Variants in NCAM2 observed in about 807,000 individuals in gnomAD.
NCAM2 encodes neural cell adhesion molecule 2.
A neutral mutation model predicts 98.1 loss-of-function variants in NCAM2; 30 were observed. The ratio of observed to expected loss-of-function variants is 0.31; its 90% CI spans 0.23 to 0.41. The LOEUF is 0.41. Ranked by LOEUF, NCAM2 falls within the 10% of genes least tolerant of loss-of-function variation. The pLI, the probability that NCAM2 is intolerant of heterozygous loss-of-function variation, is 1.00. For synonymous variants in NCAM2, 368 were observed against 342.4 expected, an observed-to-expected ratio of 1.07 and a Z score of -0.83; for missense variants, 867 against 1,005.8, an observed-to-expected ratio of 0.86 and a Z score of 1.87.
chr21:21,321,937 A>G lies in NCAM2; in HGVS notation c.620-2446A>G, dbSNP rs73230487. 7.4e-3 allele frequency among the ~76,000 whole-genome samples: 1,127 copies of G among 152,338 alleles called. 9 individuals carry two copies. The highest frequency in any genetic ancestry group is 0.04 in the South Asian group (194 of 4,824). ...TGCAAAGAACTTAAGCAGAACTGCC[A>G]TTTGAGCCAGCAAACCCATTACTGG... On this transcript the variant is annotated intron_variant, in intron 5 of 17. Transcript: ENST00000400546.
chr21:21,513,265 G>A (rs1988506930), intron 16 of NCAM2, among the ~76,000 whole-genome samples: 1 of 151,956 alleles, frequency 6.6e-6, no homozygotes, highest in African/African-American at 2.4e-5. Context: ...GGCTCTTCCA[G>A]TTCTTTAAGA....
chr21:21,221,613 A>ATT (rs1234997549), intron 1 of NCAM2, among the ~76,000 whole-genome samples: 11 of 152,314 alleles, frequency 7.2e-5, no homozygotes, highest in African/African-American at 2.6e-4. Flanking sequence ...CCGGAGCAAT[A>ATT]CCCTAGTATT....
chr21:21,269,018 C>T (rs2826758), intron 1 of NCAM2, among the ~76,000 whole-genome samples: 25,595 of 152,058 alleles, frequency 0.17, 2,254 homozygotes, highest in Non-Finnish European at 0.2. Flanking sequence ...AGGCTAGAAT[C>T]ATCCAAGATT....
chr21:21,295,915 C>A (rs1451885266), intron 5 of NCAM2, among the ~76,000 whole-genome samples: 1 of 151,642 alleles, frequency 6.6e-6, no homozygotes, highest in Non-Finnish European at 1.5e-5. Context: ...AAATTACTTA[C>A]CTTGGTGTCC....
chr21:21,106,273 A>C (rs1269391267), intron 1 of NCAM2, among the ~76,000 whole-genome samples: 2 of 148,068 alleles, frequency 1.4e-5, no homozygotes, highest in Non-Finnish European at 3.0e-5. Context: ...GCACCTCTGC[A>C]CTCCAGCCTG....
At chr21:21,392,866 A>T (rs2145834679) in intron 9 of NCAM2, among the ~76,000 whole-genome samples, 1 of 152,266 alleles carries the variant, frequency 6.6e-6, no homozygotes, top group South Asian at 2.1e-4. Context: ...TCAAATGCAT[A>T]GTTTGCAAAC....
intron 16 of NCAM2, among the ~76,000 whole-genome samples, chr21:21,523,479 A>T (rs1050321066): frequency 1.3e-5 from 2 of 151,690 alleles, no homozygotes; most frequent in Non-Finnish European, 2.9e-5. Context: ...GTTTAAAGAA[A>T]GGAAATGCAT....
At chr21:21,397,642 G>C (rs2076539893) in intron 9 of NCAM2, among the ~76,000 whole-genome samples, 1 of 152,202 alleles carries the variant, frequency 6.6e-6, no homozygotes, top group Non-Finnish European at 1.5e-5. Flanking sequence ...TTGGGGGAAG[G>C]GGGAGTTCCT....
In NCAM2 at chr21:21,331,464, T is replaced by C. The variant is rs1326827449; in HGVS notation, c.738-4041T>C. The stretch of plus-strand genomic sequence containing the variant: ...TTTTTCTCCTTCCTCTGGGTTGTAT[T>C]TTCATGTTTATTTACTATCCTGGTT... On this transcript the variant is annotated intron_variant, in intron 6 of 17. Coordinates refer to ENST00000400546, the MANE Select transcript of NCAM2 (RefSeq NM_004540.5). Among the ~76,000 whole-genome samples the C allele has an allele frequency of 3.5e-5, 4 of 113,420 alleles. No homozygotes were observed. The East Asian group carries it at 8.8e-4, about 25-fold the overall frequency. The allele number at this position is 113,420 out of a possible 152,430, so 74.4% of individuals were successfully genotyped here. A position where few individuals can be genotyped will look rare whatever the true frequency, so the allele number is the denominator to read the frequency against.
intron 4 of NCAM2, among the ~76,000 whole-genome samples, chr21:21,290,498 G>A (rs554412951): frequency 6.6e-6 from 1 of 151,760 alleles, no homozygotes; most frequent in African/African-American, 2.4e-5. Flanking sequence ...TTTGATGAGG[G>A]CATTTCATGT....
At chr21:21,076,947 T>C (rs2065693105) in intron 1 of NCAM2, among the ~76,000 whole-genome samples, 1 of 152,158 alleles carries the variant, frequency 6.6e-6, no homozygotes, top group Non-Finnish European at 1.5e-5. Flanking sequence ...ACTGCAACCT[T>C]GGCCCAATTG....
At chr21:21,466,777 A>T in intron 13 of NCAM2, 52 bp downstream of exon 13, 1 of 1,524,246 alleles carries the variant, frequency 6.6e-7, no homozygotes, top group Non-Finnish European at 8.9e-7. Flanking sequence ...CTTCACTTGC[A>T]AATTTAATAG....
chr21:21,244,907 T>A (rs988293503), intron 1 of NCAM2, among the ~76,000 whole-genome samples: 1 of 150,418 alleles, frequency 6.6e-6, no homozygotes, highest in African/African-American at 2.4e-5. Flanking sequence ...ATCCGTTAAC[T>A]TCATTTAATA....
chr21:21,157,920 C>G (rs1174059115), intron 1 of NCAM2, among the ~76,000 whole-genome samples: 1 of 152,120 alleles, frequency 6.6e-6, no homozygotes, highest in African/African-American at 2.4e-5. Flanking sequence ...TCTCATTCCT[C>G]CTAATACAAA....
intron 8 of NCAM2, among the ~76,000 whole-genome samples, chr21:21,349,074 C>T (rs141471138): frequency 8.5e-5 from 13 of 152,106 alleles, no homozygotes; most frequent in East Asian, 3.9e-4. Context: ...CCAAAGCAAA[C>T]GTAGACAAGT....
At chr21:21,070,826 A>G (rs888716918) in intron 1 of NCAM2, among the ~76,000 whole-genome samples, 1 of 152,194 alleles carries the variant, frequency 6.6e-6, no homozygotes, top group Non-Finnish European at 1.5e-5. Flanking sequence ...GTAAGTAGTC[A>G]GTCTAGCTAG....
chr21:21,108,908 G>C (rs574574706), intron 1 of NCAM2, among the ~76,000 whole-genome samples: 1 of 152,222 alleles, frequency 6.6e-6, no homozygotes, highest in African/African-American at 2.4e-5. Flanking sequence ...CCCACTATTT[G>C]CTAACTCTCG....
intron 1 of NCAM2, among the ~76,000 whole-genome samples, chr21:21,238,540 A>T (rs868350145): frequency 1.9e-5 from 1 of 53,944 alleles, no homozygotes; most frequent in East Asian, 5.5e-4. Flanking sequence ...AAAGATGTTC[A>T]TAACAGTGAA....
chr21:21,536,094 A>C (rs1989967386), intron 17 of NCAM2, among the ~76,000 whole-genome samples: 1 of 152,100 alleles, frequency 6.6e-6, no homozygotes, highest in Admixed American at 6.6e-5. Context: ...GTACTTGTGA[A>C]TGCTAAAAAG....
Sources: allele counts gnomAD v4.1 joint callset (sites outside exome capture counted in the v4.1 genomes callset), GRCh38; gene constraint gnomAD v4.1.1; transcripts MANE v1.5; gene names NCBI Gene and HGNC (gene_info 2026-07-23, HGNC 2026-07-21).